The following TSGA10 variants were observed in gnomAD, a reference collection of about 807,000 sequenced individuals.
The protein encoded by TSGA10 is testis specific 10.
TSGA10 carries 43 observed loss-of-function variants against 96.6 expected under a neutral mutation model. The observed-to-expected ratio is 0.44, with a 90% CI of 0.35 to 0.57. The LOEUF (loss-of-function observed/expected upper bound fraction) is 0.57, where lower values mean the gene tolerates loss of function less well. Among genes scored for constraint, TSGA10 ranks in the 20% least tolerant of loss-of-function variants. The pLI is 0.01. For missense variants in TSGA10, 703 were observed against 834.4 expected (o/e 0.84, Z 1.94); for synonymous variants, 229 against 269.9 (o/e 0.85, Z 1.48).
intron 10 of TSGA10, among the ~76,000 whole-genome samples, 153 bp downstream of exon 10, chr2:99,103,814 T>C (rs986046274): frequency 3.9e-5 from 6 of 152,180 alleles, no homozygotes; most frequent in Non-Finnish European, 5.9e-5. Context: ...CTCAGGAAAA[T>C]TGTTCACTGT....
chr2:99,017,245 G>C (rs1180162589), intron 20 of TSGA10, among the ~76,000 whole-genome samples: 1 of 152,126 alleles, frequency 6.6e-6, no homozygotes, highest in Non-Finnish European at 1.5e-5. Context: ...CAAAAATATG[G>C]AACCAGCCTA....
intron 1 of TSGA10, chr2:99,150,864 A>T (rs1305548089): frequency 6.8e-7 from 1 of 1,466,396 alleles, no homozygotes; most frequent in African/African-American, 1.4e-5. Flanking sequence ...CAAAGAAACC[A>T]AAAACTGCCT....
At chr2:99,142,568 A>T (rs2093579662) in intron 1 of TSGA10, among the ~76,000 whole-genome samples, 1 of 152,188 alleles carries the variant, frequency 6.6e-6, no homozygotes, top group South Asian at 2.1e-4. Context: ...TTATTTTCAG[A>T]TATCATATAC....
chr2:99,111,510 T>G (rs952276951), intron 4 of TSGA10, among the ~76,000 whole-genome samples: 8 of 152,178 alleles, frequency 5.3e-5, no homozygotes, highest in African/African-American at 1.7e-4. Context: ...ATTTTGCAAT[T>G]CATCAACCTT....
intron 12 of TSGA10, among the ~76,000 whole-genome samples, chr2:99,078,269 T>A (rs1449690968): frequency 2.5e-5 from 3 of 119,542 alleles, no homozygotes; most frequent in African/African-American, 1.2e-4. Flanking sequence ...AGACTCCCGT[T>A]TGAAAAAAAA....
At chr2:99,147,336 C>T in intron 1 of TSGA10, 1 of 903,306 alleles carries the variant, frequency 1.1e-6, no homozygotes, top group Non-Finnish European at 1.8e-6. Flanking sequence ...AAGAAAGCCA[C>T]TTTGTTCTTT....
chr2:99,013,489 C>G, intron 20 of TSGA10, among the ~76,000 whole-genome samples: 1 of 151,404 alleles, frequency 6.6e-6, no homozygotes, highest in East Asian at 2.0e-4. Flanking sequence ...CCTGCCACCA[C>G]GCCCGGCTAA....
intron 4 of TSGA10, among the ~76,000 whole-genome samples, chr2:99,114,944 AT>A (rs923031758): frequency 6.6e-6 from 1 of 151,940 alleles, no homozygotes; most frequent in Admixed American, 6.6e-5. Context: ...ATATATATAT[AT>A]TTTTTTGAGA....
intron 13 of TSGA10, 145 bp downstream of exon 13, chr2:99,072,873 C>A: frequency 1.8e-6 from 1 of 548,956 alleles, no homozygotes; most frequent in Non-Finnish European, 3.3e-6. Flanking sequence ...TCTTTTAGTT[C>A]CTTAGACAGA....
chr2:99,051,817 A>G (rs2083420083), intron 16 of TSGA10, among the ~76,000 whole-genome samples: 1 of 152,090 alleles, frequency 6.6e-6, no homozygotes, highest in Non-Finnish European at 1.5e-5. Context: ...TTAGAAATGA[A>G]TAACAGAAAA....
At chr2:99,026,555 G>A (rs919180186) in intron 17 of TSGA10, among the ~76,000 whole-genome samples, 7 of 151,814 alleles carry the variant, frequency 4.6e-5, no homozygotes, top group Admixed American at 2.0e-4. Context: ...AAGTAGCTGC[G>A]ACTACAAGCA....
At chr2:99,150,879 C>T (rs1208412705) in intron 1 of TSGA10, 1 of 1,275,404 alleles carries the variant, frequency 7.8e-7, no homozygotes. Flanking sequence ...CTGCCTTTGA[C>T]TAAGGGGGGT....
chr2:99,067,400 G>C (rs908356518), intron 15 of TSGA10, among the ~76,000 whole-genome samples: 1 of 152,210 alleles, frequency 6.6e-6, no homozygotes, highest in African/African-American at 2.4e-5. Context: ...CGAGGTGGGA[G>C]GATCACTTGA....
intron 3 of TSGA10, among the ~76,000 whole-genome samples, chr2:99,118,305 G>A (rs1409960255): frequency 2.6e-5 from 4 of 151,632 alleles, no homozygotes; most frequent in African/African-American, 7.3e-5. Context: ...ACAAAAATCA[G>A]CCGGGCATGG....
intron 16 of TSGA10, among the ~76,000 whole-genome samples, chr2:99,049,587 G>A (rs1457421791): frequency 2.6e-5 from 4 of 151,956 alleles, no homozygotes; most frequent in Admixed American, 6.6e-5. Context: ...TCAGGGGGTG[G>A]GAGGCTACGG....
chr2:99,090,221 A>G (rs2089141266), intron 10 of TSGA10, among the ~76,000 whole-genome samples: 1 of 152,192 alleles, frequency 6.6e-6, no homozygotes, highest in Admixed American at 6.5e-5. Context: ...GAGAGAGAAT[A>G]CTACATCAAG....
At chr2:99,063,621 G>C (rs1488937150) in intron 16 of TSGA10, among the ~76,000 whole-genome samples, 3 of 152,030 alleles carry the variant, frequency 2.0e-5, no homozygotes, top group African/African-American at 7.2e-5. Context: ...TGGCCAACAT[G>C]GTGAAACCCC....
chr2:99,010,727 A>T (rs2078929306), intron 20 of TSGA10, among the ~76,000 whole-genome samples: 1 of 152,218 alleles, frequency 6.6e-6, no homozygotes, highest in Non-Finnish European at 1.5e-5. Context: ...GACTGGGCAC[A>T]AATTTTCTTG....
chr2:99,080,279 T>C (rs897833722), intron 11 of TSGA10, among the ~76,000 whole-genome samples: 2 of 152,156 alleles, frequency 1.3e-5, no homozygotes, highest in Non-Finnish European at 2.9e-5. Context: ...GCCTCACTTA[T>C]TTCACTTCTC....
Sources: gnomAD v4.1 joint callset for allele counts (sites outside exome capture counted in the v4.1 genomes callset) on GRCh38, gnomAD v4.1.1 for gene constraint, MANE v1.5 for transcripts, NCBI Gene and HGNC (gene_info 2026-07-23, HGNC 2026-07-21) for gene names.